The following INPP5F variants were observed in gnomAD, a reference collection of about 807,000 sequenced individuals.
INPP5F encodes the protein phosphatidylinositide 4-phosphatase SAC2.
A neutral mutation model predicts 137.2 loss-of-function variants in INPP5F; 97 were observed. The observed-to-expected ratio is 0.71, with a 90% CI of 0.60 to 0.84. The LOEUF (loss-of-function observed/expected upper bound fraction) is 0.84, where lower values mean the gene tolerates loss of function less well. Among genes scored for constraint, INPP5F ranks in the 40% least tolerant of loss-of-function variants. The probability of loss-of-function intolerance (pLI) is 0.00; values close to 1 mark genes in which losing one functional copy is unlikely to be tolerated. For synonymous variants in INPP5F, 504 were observed against 476.9 expected (o/e 1.06, Z -0.74); for missense variants, 1,271 against 1,371.9 (o/e 0.93, Z 1.16).
intron 3 of INPP5F, among the ~76,000 whole-genome samples, chr10:119,789,246 G>T (rs999515524): frequency 1.4e-4 from 21 of 151,888 alleles, no homozygotes; most frequent in Non-Finnish European, 2.5e-4. Flanking sequence ...AAAAAGAATG[G>T]CTATGTCTGT....
chr10:119,808,073 A>G lies in INPP5F; in HGVS notation c.1569+13A>G, dbSNP rs757913485. 1.2e-6 allele frequency: 2 copies of G among 1,607,862 alleles called. No homozygotes were observed. Among genetic ancestry groups the G allele is most frequent in the East Asian group, 4.5e-5 (2 of 44,820 alleles). On this transcript the variant is annotated intron_variant, in intron 13 of 19. Transcript: ENST00000650623. Reference sequence around the variant, plus strand: ...AGCTGCTCTGAAGGTAAATACTTGCAGGAAGCATCTGTGGGTCATTATGTA... The same window carrying G: ...AGCTGCTCTGAAGGTAAATACTTGCGGGAAGCATCTGTGGGTCATTATGTA...
chr10:119,742,120 G>A (rs1165847128), intron 1 of INPP5F, among the ~76,000 whole-genome samples: 2 of 151,544 alleles, frequency 1.3e-5, no homozygotes, highest in Non-Finnish European at 2.9e-5. Context: ...CACTGCGCCC[G>A]GCCCGACGAC....
intron 15 of INPP5F, among the ~76,000 whole-genome samples, chr10:119,817,509 C>T (rs1174894282): frequency 1.3e-5 from 2 of 152,204 alleles, no homozygotes; most frequent in African/African-American, 4.8e-5. Context: ...CACTTATTTT[C>T]CTTTTTTTCT....
chr10:119,798,008 C>G (rs1829808551), intron 8 of INPP5F, among the ~76,000 whole-genome samples: 1 of 151,274 alleles, frequency 6.6e-6, no homozygotes, highest in South Asian at 2.1e-4. Context: ...AATAAGATGC[C>G]TTTACTCAAA....
chr10:119,772,133 C>T (rs1849385830), intron 2 of INPP5F, among the ~76,000 whole-genome samples: 1 of 151,486 alleles, frequency 6.6e-6, no homozygotes, highest in African/African-American at 2.4e-5. Context: ...CTCCTGACCT[C>T]GTGATCTGCC....
At chr10:119,730,399 C>G (rs764974729) in intron 1 of INPP5F, among the ~76,000 whole-genome samples, 1 of 152,210 alleles carries the variant, frequency 6.6e-6, no homozygotes, top group Non-Finnish European at 1.5e-5. Context: ...CATGAGCCAC[C>G]GCGCCCGGCC....
intron 9 of INPP5F, 84 bp from the exon 10 acceptor site, chr10:119,804,089 G>A (rs1359410035): frequency 9.4e-6 from 9 of 959,480 alleles, no homozygotes; most frequent in South Asian, 1.9e-5. Context: ...AAACCACACT[G>A]TGATTCTAAC....
intron 13 of INPP5F, among the ~76,000 whole-genome samples, chr10:119,808,388 C>T (rs1377837133): frequency 6.6e-6 from 1 of 152,196 alleles, no homozygotes; most frequent in Non-Finnish European, 1.5e-5. Context: ...CAAAACAGAG[C>T]ATGTCTGCTG....
chr10:119,747,035 T>C (rs196190), intron 1 of INPP5F, among the ~76,000 whole-genome samples: 149,106 of 152,144 alleles, frequency 0.98, 73,141 homozygotes, highest in Middle Eastern at 1. Flanking sequence ...GTGATCCTCC[T>C]GCCTCGGCCT....
At chr10:119,784,142 A>C (rs1230901042) in intron 3 of INPP5F, among the ~76,000 whole-genome samples, 4 of 152,226 alleles carry the variant, frequency 2.6e-5, no homozygotes, top group Non-Finnish European at 4.4e-5. Context: ...CTTGGTATCT[A>C]TTTCAATTTC....
At chr10:119,766,791 C>G (rs1262508098) in intron 2 of INPP5F, among the ~76,000 whole-genome samples, 1 of 152,032 alleles carries the variant, frequency 6.6e-6, no homozygotes, top group Non-Finnish European at 1.5e-5. Flanking sequence ...TTGTCACCAA[C>G]AGTCTCTGCA....
At chr10:119,734,663 A>C (rs1023341381) in intron 1 of INPP5F, among the ~76,000 whole-genome samples, 13 of 152,168 alleles carry the variant, frequency 8.5e-5, no homozygotes, top group African/African-American at 3.1e-4. Context: ...GATTCAATAC[A>C]TTCTCAGAAT....
intron 12 of INPP5F, 38 bp from the exon 13 acceptor site, chr10:119,807,894 G>A (rs1850857441): frequency 6.5e-7 from 1 of 1,546,576 alleles, no homozygotes; most frequent in Non-Finnish European, 8.7e-7. Flanking sequence ...TGGTTTCCTG[G>A]CCCATATACA....
rs1190860497 is a variant in INPP5F, at chr10:119,798,605, A to C, written c.1111A>C (p.Lys371Gln). The C allele has an allele frequency of 1.9e-6, 3 of 1,609,742 alleles. No homozygotes were observed. Among genetic ancestry groups the C allele is most frequent in the Admixed American group, 3.3e-5 (2 of 59,850 alleles). The change falls in exon 9 of 20, where the codon AAA (lysine) becomes CAA (glutamine). Residue 371 changes from lysine to glutamine, a missense_variant. Physicochemically the swap from Lys to Gln is moderately conservative, Grantham distance 53 (BLOSUM62 1). Transcript: ENST00000650623. Reference protein sequence around the residue: ...HFEEQLNIYKKQVIINLVDQA... With the variant: ...HFEEQLNIYKQQVIINLVDQA... ...CGAAGAACAACTGAACATTTACAAA[A>C]AACAGGTGGGCTTTGATTTACAGTA...
At chr10:119,751,962 T>C (rs1848702603) in intron 2 of INPP5F, among the ~76,000 whole-genome samples, 1 of 152,206 alleles carries the variant, frequency 6.6e-6, no homozygotes, top group Non-Finnish European at 1.5e-5. Flanking sequence ...TACATTTAAA[T>C]AAATATTTTT....
chr10:119,768,028 T>C (rs755533581), intron 2 of INPP5F, among the ~76,000 whole-genome samples: 2 of 152,226 alleles, frequency 1.3e-5, no homozygotes, highest in Non-Finnish European at 2.9e-5. Flanking sequence ...TTTCCCCTTT[T>C]CAGATTATCT....
intron 1 of INPP5F, among the ~76,000 whole-genome samples, chr10:119,736,179 C>T (rs775942023): frequency 1.2e-4 from 19 of 152,286 alleles, no homozygotes; most frequent in African/African-American, 3.1e-4. Context: ...TGCCATATTT[C>T]TTGGGTGATG....
chr10:119,819,380 T>C (rs979815748), intron 15 of INPP5F: 3 of 1,381,278 alleles, frequency 2.2e-6, no homozygotes, highest in African/African-American at 2.9e-5. Context: ...GACATAATGT[T>C]TTTGACTGGG....
At chr10:119,818,222 C>T (rs1188512675) in intron 15 of INPP5F, among the ~76,000 whole-genome samples, 2 of 152,238 alleles carry the variant, frequency 1.3e-5, no homozygotes, top group Non-Finnish European at 2.9e-5. Context: ...CAGGAAACCC[C>T]CGACTCTATC....
Sources: allele counts gnomAD v4.1 joint callset (sites outside exome capture counted in the v4.1 genomes callset), GRCh38; gene constraint gnomAD v4.1.1; transcripts MANE v1.5; gene names NCBI Gene and HGNC (gene_info 2026-07-23, HGNC 2026-07-21).